Variants in IDE observed in about 807,000 individuals in gnomAD.
The protein encoded by IDE is insulin-degrading enzyme.
A neutral mutation model predicts 133.2 loss-of-function variants in IDE; 58 were observed. The ratio of observed to expected loss-of-function variants is 0.44; its 90% CI spans 0.35 to 0.54. IDE has a LOEUF of 0.54. Among genes scored for constraint, IDE ranks in the 20% least tolerant of loss-of-function variants. The pLI is 0.00. For missense variants in IDE, 981 were observed against 1,234.0 expected, an observed-to-expected ratio of 0.79 and a Z score of 3.07; for synonymous variants, 396 against 421.3, an observed-to-expected ratio of 0.94 and a Z score of 0.73.
chr10:92,553,886 A>T (rs759093698), intron 1 of IDE, among the ~76,000 whole-genome samples: 7 of 152,174 alleles, frequency 4.6e-5, no homozygotes, highest in Non-Finnish European at 8.8e-5. Flanking sequence ...TTTCCTGCTG[A>T]ATTCTACTAA....
At chr10:92,522,248 C>G (rs761365391) in intron 4 of IDE, among the ~76,000 whole-genome samples, 5 of 152,102 alleles carry the variant, frequency 3.3e-5, no homozygotes, top group Non-Finnish European at 7.4e-5. Flanking sequence ...CTATTCTATT[C>G]CTTCCTACTT....
chr10:92,500,319 G>C (rs996944884), intron 11 of IDE, among the ~76,000 whole-genome samples: 2 of 151,240 alleles, frequency 1.3e-5, no homozygotes, highest in Non-Finnish European at 2.9e-5. Context: ...AACCCCAACT[G>C]ACTGATAGAT....
chr10:92,505,848 A>G (rs910124197), intron 10 of IDE, among the ~76,000 whole-genome samples: 3 of 152,158 alleles, frequency 2.0e-5, no homozygotes, highest in Non-Finnish European at 4.4e-5. Context: ...TGCAAATGGG[A>G]GAGGTGGGCT....
chr10:92,510,381 T>C (rs1848517951), intron 5 of IDE, among the ~76,000 whole-genome samples: 1 of 152,104 alleles, frequency 6.6e-6, no homozygotes, highest in African/African-American at 2.4e-5. Flanking sequence ...TTAAAACAAA[T>C]ATTAGAAACA....
At chr10:92,488,681 G>A (rs551113501) in intron 12 of IDE, among the ~76,000 whole-genome samples, 4 of 151,946 alleles carry the variant, frequency 2.6e-5, no homozygotes, top group Admixed American at 1.3e-4. Context: ...GGAGGCTGAG[G>A]CAGGAGAATC....
At chr10:92,517,054 T>C (rs549501557) in intron 4 of IDE, among the ~76,000 whole-genome samples, 1 of 152,378 alleles carries the variant, frequency 6.6e-6, no homozygotes, top group South Asian at 2.1e-4. Context: ...AGATCCTGTC[T>C]TTCTTCTGCA....
chr10:92,492,315 T>C (rs1038569427), intron 11 of IDE, among the ~76,000 whole-genome samples: 1 of 150,992 alleles, frequency 6.6e-6, no homozygotes, highest in Non-Finnish European at 1.5e-5. Flanking sequence ...AGTAAAGTGA[T>C]GTCAAAAGAT....
At chr10:92,555,912 G>A (rs142371393) in intron 1 of IDE, among the ~76,000 whole-genome samples, 409 of 152,214 alleles carry the variant, frequency 2.7e-3, no homozygotes, top group Non-Finnish European at 4.0e-3. Context: ...GGTGGCTCAC[G>A]CCTGTAATCC....
chr10:92,489,376 CCT>C (rs1172588235), intron 12 of IDE, among the ~76,000 whole-genome samples: 2 of 152,042 alleles, frequency 1.3e-5, no homozygotes, highest in Non-Finnish European at 2.9e-5. Context: ...ATGGTGAAAC[CCT>C]GTCTCTACTA....
At chr10:92,482,475 C>A (rs1213643322) in intron 14 of IDE, among the ~76,000 whole-genome samples, 1 of 152,164 alleles carries the variant, frequency 6.6e-6, no homozygotes, top group Non-Finnish European at 1.5e-5. Context: ...ATAGAGGAAG[C>A]AGTATCTAAG....
intron 1 of IDE, among the ~76,000 whole-genome samples, chr10:92,550,585 A>C (rs1224354497): frequency 2.1e-5 from 3 of 145,160 alleles, no homozygotes; most frequent in African/African-American, 7.6e-5. Flanking sequence ...CAGGAGGCGG[A>C]GCTTGCAGTG....
chr10:92,556,002 T>C (rs1253026219), intron 1 of IDE, among the ~76,000 whole-genome samples: 4 of 150,484 alleles, frequency 2.7e-5, no homozygotes, highest in Admixed American at 6.6e-5. Flanking sequence ...TGAAACCCCG[T>C]CTCTACTAAA....
chr10:92,532,063 G>A (rs1035667418), intron 3 of IDE, 146 bp from the exon 4 acceptor site: 2 of 523,454 alleles, frequency 3.8e-6, no homozygotes, highest in Admixed American at 3.6e-5. Context: ...GAAAAAAGGA[G>A]TATAAAATAA....
chr10:92,539,033 A>G (rs1047922081), intron 1 of IDE, among the ~76,000 whole-genome samples: 6 of 151,698 alleles, frequency 4.0e-5, no homozygotes, highest in Non-Finnish European at 8.8e-5. Flanking sequence ...CTGTGTTAAA[A>G]TCTCTAGAGA....
intron 20 of IDE, 145 bp downstream of exon 20, chr10:92,465,531 A>G (rs1272189038): frequency 4.4e-6 from 3 of 676,690 alleles, no homozygotes; most frequent in Non-Finnish European, 7.6e-6. Flanking sequence ...TTAGAAGTGG[A>G]TTCTCTGTAA....
intron 4 of IDE, among the ~76,000 whole-genome samples, chr10:92,519,201 A>G (rs916329869): frequency 6.6e-6 from 1 of 152,182 alleles, no homozygotes; most frequent in Non-Finnish European, 1.5e-5. Flanking sequence ...AAAAAAATAG[A>G]AATTGTGGCT....
At chr10:92,511,648 G>A (rs1379150734) in intron 5 of IDE, among the ~76,000 whole-genome samples, 3 of 151,926 alleles carry the variant, frequency 2.0e-5, no homozygotes, top group African/African-American at 7.3e-5. Flanking sequence ...GCCTTTAAGT[G>A]TAGGCATTTG....
At chr10:92,504,716 CACAATTT>C in intron 11 of IDE, 71 bp downstream of exon 11, 2 of 767,898 alleles carry the variant, frequency 2.6e-6, no homozygotes, top group Non-Finnish European at 4.5e-6. Flanking sequence ...GCATTTTATT[CACAATTT>C]CAAATTTTTT....
intron 1 of IDE, among the ~76,000 whole-genome samples, chr10:92,553,358 AGGTT>A (rs1447327589): frequency 8.6e-5 from 13 of 151,456 alleles, no homozygotes; most frequent in African/African-American, 2.9e-4. Context: ...TGGGAGGCAG[AGGTT>A]GCAGTGAGCC....
Sources: allele counts gnomAD v4.1 joint callset (sites outside exome capture counted in the v4.1 genomes callset), GRCh38; gene constraint gnomAD v4.1.1; transcripts MANE v1.5; gene names NCBI Gene and HGNC (gene_info 2026-07-23, HGNC 2026-07-21).